The following DAB1 variants were observed in gnomAD, a reference collection of about 807,000 sequenced individuals.
The protein encoded by DAB1 is DAB adaptor protein 1, also known as disabled homolog 1.
Under a neutral mutation model 64.6 loss-of-function variants are expected in DAB1, and 15 were observed. The ratio of observed to expected loss-of-function variants is 0.23; its 90% confidence interval spans 0.16 to 0.36. The LOEUF is 0.36. Ranked by LOEUF, DAB1 falls within the 10% of genes least tolerant of loss-of-function variation. DAB1 has a pLI of 1.00. For synonymous variants in DAB1, 235 were observed against 251.9 expected, an observed-to-expected ratio of 0.93 and a Z score of 0.64; for missense variants, 596 against 706.7, an observed-to-expected ratio of 0.84 and a Z score of 1.78.
intron 1 of DAB1, among the ~76,000 whole-genome samples, chr1:57,846,906 T>C (rs954650643): frequency 3.9e-5 from 6 of 152,134 alleles, no homozygotes; most frequent in Non-Finnish European, 7.3e-5. Context: ...TGGACCACAA[T>C]ATGGAGATGC....
intron 7 of DAB1, among the ~76,000 whole-genome samples, chr1:57,616,468 G>C (rs544926824): frequency 6.6e-6 from 1 of 152,198 alleles, no homozygotes; most frequent in Non-Finnish European, 1.5e-5. Flanking sequence ...TCCAAACATA[G>C]TAAACACTCA....
rs61765594 is a variant in DAB1, at chr1:57,221,987, C to T, written c.67+68977G>A. ...AAAGTAACCATTTAGGAGAAACTGG[C>T]CAGAAACTAGCATTTATTTACTGCT... is the stretch of plus-strand genomic sequence containing the variant. On this transcript the variant is annotated intron_variant, in intron 2 of 14. Coordinates refer to ENST00000371236, the MANE Select transcript of DAB1 (RefSeq NM_001365792.1). Among the ~76,000 whole-genome samples, 1,219 of 151,990 alleles carry T rather than the reference C, an allele frequency of 8.0e-3. 31 individuals carry two copies. In the East Asian group the frequency reaches 0.081, roughly 10 times the overall value.
intron 6 of DAB1, among the ~76,000 whole-genome samples, chr1:57,764,352 G>T (rs77874515): frequency 0.049 from 7,397 of 152,230 alleles, 260 homozygotes; most frequent in South Asian, 0.077. Context: ...CTTGTCATGT[G>T]TGGATACATA....
chr1:58,400,471 G>T (rs1644559373), intron 3 of DAB1, among the ~76,000 whole-genome samples: 1 of 152,176 alleles, frequency 6.6e-6, no homozygotes, highest in Non-Finnish European at 1.5e-5. Context: ...GGGCAGGACA[G>T]ACACCCCGAG....
At chr1:57,407,746 A>T (rs941221260) in intron 1 of DAB1, among the ~76,000 whole-genome samples, 6 of 150,898 alleles carry the variant, frequency 4.0e-5, no homozygotes, top group African/African-American at 1.5e-4. Context: ...TGTTGTGAAG[A>T]TGGAAGAGGA....
At chr1:58,239,840 C>T (rs192888101) in intron 4 of DAB1, among the ~76,000 whole-genome samples, 54 of 152,260 alleles carry the variant, frequency 3.5e-4, no homozygotes, top group Admixed American at 2.2e-3. Flanking sequence ...GACTAGACAG[C>T]ACATGAACTA....
chr1:58,442,088 C>T (rs1645016743), intron 3 of DAB1, among the ~76,000 whole-genome samples: 2 of 152,158 alleles, frequency 1.3e-5, no homozygotes, highest in African/African-American at 4.8e-5. Flanking sequence ...CACTGGGGTG[C>T]CTCCAGCTTT....
At chr1:57,621,313 C>A (rs1050702346) in intron 7 of DAB1, among the ~76,000 whole-genome samples, 2 of 150,408 alleles carry the variant, frequency 1.3e-5, no homozygotes, top group African/African-American at 4.9e-5. Flanking sequence ...GGAGAGTTGG[C>A]CTGAAAATGA....
intron 7 of DAB1, among the ~76,000 whole-genome samples, chr1:57,434,659 A>G (rs544420863): frequency 6.6e-6 from 1 of 152,340 alleles, no homozygotes; most frequent in African/African-American, 2.4e-5. Context: ...CAGAGTATAC[A>G]TACACAAACC....
At chr1:58,053,960 G>C (rs979356169) in intron 5 of DAB1, among the ~76,000 whole-genome samples, 3 of 152,214 alleles carry the variant, frequency 2.0e-5, no homozygotes, top group African/African-American at 7.2e-5. Flanking sequence ...TTGCCTGCTA[G>C]TTATTTTCAC....
At chr1:57,907,149 A>C (rs1045054744) in intron 5 of DAB1, among the ~76,000 whole-genome samples, 7 of 152,174 alleles carry the variant, frequency 4.6e-5, no homozygotes, top group Non-Finnish European at 7.4e-5. Flanking sequence ...TCTGTGTCCA[A>C]ATTATTGAGG....
At chr1:57,894,928 A>T (rs1644371446) in intron 5 of DAB1, among the ~76,000 whole-genome samples, 4 of 152,128 alleles carry the variant, frequency 2.6e-5, no homozygotes, top group Admixed American at 2.6e-4. Flanking sequence ...CAACATACAT[A>T]AATTGGTCTG....
At chr1:58,216,853 G>A (rs1383437780) in intron 4 of DAB1, among the ~76,000 whole-genome samples, 1 of 152,192 alleles carries the variant, frequency 6.6e-6, no homozygotes. Context: ...GGCAGAAACT[G>A]CAGGAGAAAC....
chr1:57,234,348 T>C (rs1351359854), intron 2 of DAB1, among the ~76,000 whole-genome samples: 1 of 152,220 alleles, frequency 6.6e-6, no homozygotes, highest in Non-Finnish European at 1.5e-5. Flanking sequence ...TGACTCTCAG[T>C]GGTTCTGTGG....
rs10665790 is a variant in DAB1, at chr1:58,072,085, TG to T, written n.387+78425del. Among the ~76,000 whole-genome samples, 103 of 82,236 alleles carry T rather than the reference TG, an allele frequency of 1.3e-3. 1 individual carries two copies. The highest frequency in any genetic ancestry group is 4.3e-3 in the African/African-American group (88 of 20,438). The allele number at this position is 82,236 out of a possible 152,430, so 54.0% of individuals were successfully genotyped here. On this transcript the variant is annotated intron_variant and non_coding_transcript_variant, in intron 5 of 20. Coordinates refer to the DAB1 transcript ENST00000485760. ...GGGATAGCAAACATTATTGGTGGGG[TG>T]GGGGGGGGTGGGTAGTAGGGAAGGT...
In DAB1 at chr1:57,988,134, C is replaced by A. The variant is rs1646269374; in HGVS notation, n.388-103972G>T. On this transcript the variant is annotated intron_variant and non_coding_transcript_variant, in intron 5 of 20. Coordinates refer to the DAB1 transcript ENST00000485760. The stretch of plus-strand genomic sequence containing the variant: ...AGGATGCCCTGGAGGAGGTCCTGAC[C>A]ACATACATGCGGCCATTGGTTGATT... Among the ~76,000 whole-genome samples, 3 of 152,086 alleles carry A rather than the reference C, an allele frequency of 2.0e-5. No homozygotes were observed. In the South Asian group the frequency reaches 6.2e-4, roughly 32 times the overall value.
intron 7 of DAB1, among the ~76,000 whole-genome samples, chr1:57,542,189 C>T (rs1372486420): frequency 6.6e-6 from 1 of 152,092 alleles, no homozygotes. Flanking sequence ...AAATGTTACA[C>T]TTTTATTCAT....
intron 4 of DAB1, among the ~76,000 whole-genome samples, chr1:58,320,873 G>A (rs1288251638): frequency 6.6e-6 from 1 of 152,200 alleles, no homozygotes; most frequent in Non-Finnish European, 1.5e-5. Flanking sequence ...CCAATGGGAG[G>A]CAAGAGATCG....
intron 1 of DAB1, among the ~76,000 whole-genome samples, chr1:57,297,491 T>A (rs902814154): frequency 6.6e-5 from 10 of 152,054 alleles, no homozygotes; most frequent in Non-Finnish European, 1.2e-4. Flanking sequence ...CATATACATG[T>A]ATACATGTAT....
Sources: gnomAD v4.1 joint callset for allele counts (sites outside exome capture counted in the v4.1 genomes callset) on GRCh38, gnomAD v4.1.1 for gene constraint, MANE v1.5 for transcripts, NCBI Gene and HGNC (gene_info 2026-07-23, HGNC 2026-07-21) for gene names.